SPOCK1: variants seen among roughly 807,000 people sequenced by gnomAD.
SPOCK1 encodes SPARC (osteonectin), cwcv and kazal like domains proteoglycan 1, also known as testican-1.
A neutral mutation model predicts 55.3 loss-of-function variants in SPOCK1; 23 were observed. The ratio of observed to expected loss-of-function variants is 0.42; its 90% CI spans 0.30 to 0.59. The LOEUF is 0.59. SPOCK1 is among the 20% of genes least tolerant of loss of function. The probability of loss-of-function intolerance (pLI) is 0.22; values close to 1 mark genes in which losing one functional copy is unlikely to be tolerated. For synonymous variants in SPOCK1, 226 were observed against 221.0 expected, an observed-to-expected ratio of 1.02 and a Z score of -0.20; for missense variants, 499 against 552.5, an observed-to-expected ratio of 0.90 and a Z score of 0.97.
intron 8 of SPOCK1, among the ~76,000 whole-genome samples, chr5:136,986,693 G>A (rs1750848993): frequency 1.3e-5 from 2 of 151,998 alleles, no homozygotes; most frequent in South Asian, 4.2e-4. Context: ...GGAATATAGT[G>A]CAAAAAAACA....
intron 2 of SPOCK1, among the ~76,000 whole-genome samples, chr5:137,350,645 G>T (rs1017170528): frequency 3.3e-5 from 5 of 152,104 alleles, no homozygotes; most frequent in African/African-American, 1.2e-4. Context: ...CAAGGGCAGG[G>T]CTGAGGGCAG....
At chr5:137,493,964 ATGTGCCAGAAGG>A (rs1324824642) in intron 2 of SPOCK1, among the ~76,000 whole-genome samples, 1 of 145,114 alleles carries the variant, frequency 6.9e-6, no homozygotes, top group Non-Finnish European at 1.6e-5. Context: ...CCCACAGAGC[ATGTGCCAGAAGG>A]AAAAAGAACA....
chr5:136,984,076 A>G (rs1750789827), intron 9 of SPOCK1, among the ~76,000 whole-genome samples: 1 of 152,214 alleles, frequency 6.6e-6, no homozygotes, highest in Non-Finnish European at 1.5e-5. Context: ...AGAAAATCCT[A>G]TGGAGGAGGG....
intron 2 of SPOCK1, among the ~76,000 whole-genome samples, chr5:137,271,549 A>T (rs1303647799): frequency 2.4e-5 from 3 of 125,266 alleles, no homozygotes; most frequent in Non-Finnish European, 3.5e-5. Flanking sequence ...TGGGTGATTA[A>T]GTCTCTTCAT....
At chr5:137,168,749 T>A (rs1580787480) in intron 3 of SPOCK1, among the ~76,000 whole-genome samples, 1 of 152,166 alleles carries the variant, frequency 6.6e-6, no homozygotes, top group East Asian at 1.9e-4. Context: ...AGTATACTGT[T>A]GGTAGGAATG....
chr5:137,440,323 AAAAGAC>A lies in SPOCK1; in HGVS notation c.186+58044_186+58049del, dbSNP rs1263196379. Among the ~76,000 whole-genome samples the A allele has an allele frequency of 7.9e-5, 12 of 152,210 alleles. No individual in the cohort carries two copies. In the East Asian group the frequency reaches 9.6e-4, roughly 12 times the overall value. On this transcript the variant is annotated intron_variant, in intron 2 of 10. Transcript: ENST00000394945. ...AATAGAGAAGAAAGGAAGGAAAGAG[AAAAGAC>A]AAAGACAAAGGAAGAAGACAGAAAG... is the stretch of plus-strand genomic sequence containing the variant.
At chr5:137,036,979 G>T (rs1051292651) in intron 6 of SPOCK1, among the ~76,000 whole-genome samples, 29 of 152,186 alleles carry the variant, frequency 1.9e-4, no homozygotes, top group Admixed American at 7.2e-4. Flanking sequence ...GAGAGAGAGA[G>T]AGTGGCTGCA....
chr5:137,490,374 C>A (rs145504241), intron 2 of SPOCK1, among the ~76,000 whole-genome samples: 53 of 152,296 alleles, frequency 3.5e-4, no homozygotes, highest in African/African-American at 1.2e-3. Flanking sequence ...GAAGCAGGTG[C>A]TAGCCCCTGC....
intron 6 of SPOCK1, among the ~76,000 whole-genome samples, chr5:137,016,011 G>T (rs971030256): frequency 6.6e-6 from 1 of 152,164 alleles, no homozygotes; most frequent in East Asian, 1.9e-4. Flanking sequence ...GAGTCTGAAG[G>T]ATACTCCTAC....
At chr5:137,434,480 CTTTTTTTTTTTTTTTT>C (rs146762668) in intron 2 of SPOCK1, among the ~76,000 whole-genome samples, 5 of 68,188 alleles carry the variant, frequency 7.3e-5, no homozygotes, top group African/African-American at 2.4e-4. Flanking sequence ...TCTTTTTTTT[CTTTTTTTTTTTTTTTT>C]TTTTTTTTTT....
intron 3 of SPOCK1, among the ~76,000 whole-genome samples, chr5:137,187,879 C>T (rs1755105415): frequency 6.6e-6 from 1 of 152,164 alleles, no homozygotes; most frequent in African/African-American, 2.4e-5. Flanking sequence ...TGTTCTGACA[C>T]ATGGAAGGGT....
chr5:137,245,840 T>C (rs1019575035), intron 3 of SPOCK1, among the ~76,000 whole-genome samples: 3 of 150,668 alleles, frequency 2.0e-5, no homozygotes, highest in Non-Finnish European at 3.0e-5. Context: ...CATGATTAAA[T>C]AAGTTTGGGA....
chr5:137,417,149 A>G (rs1039084492), intron 2 of SPOCK1, among the ~76,000 whole-genome samples: 2 of 151,942 alleles, frequency 1.3e-5, no homozygotes, highest in Non-Finnish European at 2.9e-5. Flanking sequence ...CATTTTCTTA[A>G]TGGGGACTTT....
chr5:137,367,355 C>T (rs1056879408), intron 2 of SPOCK1, among the ~76,000 whole-genome samples: 12 of 152,182 alleles, frequency 7.9e-5, no homozygotes, highest in African/African-American at 1.9e-4. Context: ...CAAGAAGCAG[C>T]GCTGTTGAGC....
At chr5:137,035,615 G>T (rs1751869273) in intron 6 of SPOCK1, among the ~76,000 whole-genome samples, 1 of 152,142 alleles carries the variant, frequency 6.6e-6, no homozygotes, top group African/African-American at 2.4e-5. Context: ...TCCAGTCTGA[G>T]ACTCCTTGGA....
chr5:137,065,827 GTC>G (rs1445064048), intron 6 of SPOCK1, among the ~76,000 whole-genome samples: 1 of 152,148 alleles, frequency 6.6e-6, no homozygotes, highest in East Asian at 1.9e-4. Context: ...CTTTGTCTGA[GTC>G]TCTTTACTTT....
At chr5:137,202,318 CACTT>C (rs1279306994) in intron 3 of SPOCK1, among the ~76,000 whole-genome samples, 13 of 152,302 alleles carry the variant, frequency 8.5e-5, no homozygotes, top group African/African-American at 2.9e-4. Flanking sequence ...CTGGACAAAA[CACTT>C]GCTTGTGAAT....
intron 3 of SPOCK1, among the ~76,000 whole-genome samples, chr5:137,198,331 G>A (rs1755344220): frequency 1.3e-5 from 2 of 152,156 alleles, no homozygotes; most frequent in African/African-American, 4.8e-5. Flanking sequence ...ATAAATTACT[G>A]TTTAACAAAA....
chr5:137,320,761 T>C (rs1478183539), intron 2 of SPOCK1, among the ~76,000 whole-genome samples: 1 of 152,206 alleles, frequency 6.6e-6, no homozygotes, highest in Non-Finnish European at 1.5e-5. Flanking sequence ...CTGGGCTGAT[T>C]GCTGAAGGTC....
Sources: allele counts gnomAD v4.1 joint callset (sites outside exome capture counted in the v4.1 genomes callset), GRCh38; gene constraint gnomAD v4.1.1; transcripts MANE v1.5; gene names NCBI Gene and HGNC (gene_info 2026-07-23, HGNC 2026-07-21).